Variants in ADAMTS3 observed in about 807,000 individuals in gnomAD.
ADAMTS3 encodes the protein A disintegrin and metalloproteinase with thrombospondin motifs 3.
Under a neutral mutation model 129.0 loss-of-function variants are expected in ADAMTS3, and 73 were observed. The ratio of observed to expected loss-of-function variants is 0.57; its 90% confidence interval spans 0.47 to 0.69. The LOEUF is 0.69. Among genes scored for constraint, ADAMTS3 ranks in the 30% least tolerant of loss-of-function variants. The pLI is 0.00. For missense variants in ADAMTS3, 1,457 were observed against 1,514.5 expected (o/e 0.96, Z 0.63); for synonymous variants, 477 against 510.8 (o/e 0.93, Z 0.89).
chr4:72,320,938 C>A, intron 6 of ADAMTS3, 68 bp from the exon 7 acceptor site: 1 of 1,490,328 alleles, frequency 6.7e-7, no homozygotes, highest in South Asian at 1.3e-5. Flanking sequence ...ATAATTTCCT[C>A]TGAAGCTGAA....
intron 21 of ADAMTS3, among the ~76,000 whole-genome samples, chr4:72,286,810 C>G (rs2109766030): frequency 6.6e-6 from 1 of 151,862 alleles, no homozygotes. Context: ...GTGCAACAAA[C>G]AGATGGGGGT....
intron 3 of ADAMTS3, among the ~76,000 whole-genome samples, chr4:72,464,537 T>C (rs1025112187): frequency 4.6e-5 from 7 of 152,130 alleles, no homozygotes; most frequent in East Asian, 3.9e-4. Flanking sequence ...TTTAACTAAA[T>C]TTAAAAGAAA....
chr4:72,534,515 T>C (rs1721138699), intron 3 of ADAMTS3, among the ~76,000 whole-genome samples: 1 of 152,174 alleles, frequency 6.6e-6, no homozygotes, highest in South Asian at 2.1e-4. Flanking sequence ...ATAAGTTGTT[T>C]TATTGGAAAA....
chr4:72,287,944 C>A (rs1040134406), intron 21 of ADAMTS3, among the ~76,000 whole-genome samples: 1 of 152,228 alleles, frequency 6.6e-6, no homozygotes, highest in African/African-American at 2.4e-5. Flanking sequence ...CAGCTCACTG[C>A]AACCTCTGTC....
intron 3 of ADAMTS3, among the ~76,000 whole-genome samples, chr4:72,448,760 T>C (rs1004026038): frequency 6.6e-6 from 1 of 151,692 alleles, no homozygotes; most frequent in Non-Finnish European, 1.5e-5. Flanking sequence ...AATCCAAAAG[T>C]AAGCCTCCTC....
intron 3 of ADAMTS3, among the ~76,000 whole-genome samples, chr4:72,426,425 T>C (rs986913529): frequency 6.6e-6 from 1 of 152,146 alleles, no homozygotes; most frequent in East Asian, 1.9e-4. Context: ...CATTTGATTC[T>C]ATGTTGCTGT....
intron 3 of ADAMTS3, among the ~76,000 whole-genome samples, chr4:72,529,958 A>T (rs1207750614): frequency 1.3e-4 from 1 of 7,408 alleles, no homozygotes; most frequent in Non-Finnish European, 3.7e-4. Flanking sequence ...ATAATATATA[A>T]TATATTATAT....
In ADAMTS3 at chr4:72,335,811, G is replaced by C. The variant is rs187070646; in HGVS notation, c.861+3683C>G. Among the ~76,000 whole-genome samples the C allele has an allele frequency of 3.7e-3, 568 of 151,978 alleles. 2 individuals carry two copies. Among genetic ancestry groups the C allele is most frequent in the Non-Finnish European group, 6.1e-3 (416 of 67,958 alleles). ...CTGCTCCCATTATATCATTGCATTT[G>C]GCATCTATTTCCTCTTGTTTTGAGT... On this transcript the variant is annotated intron_variant, in intron 5 of 21. Coordinates refer to ENST00000286657, the MANE Select transcript of ADAMTS3 (RefSeq NM_014243.3).
chr4:72,440,846 C>CT (rs1718095275), intron 3 of ADAMTS3, among the ~76,000 whole-genome samples: 1 of 151,680 alleles, frequency 6.6e-6, no homozygotes, highest in South Asian at 2.1e-4. Context: ...TGGATTTTCA[C>CT]TTTTTTTATT....
At chr4:72,515,221 A>G (rs1410235693) in intron 3 of ADAMTS3, among the ~76,000 whole-genome samples, 6 of 151,970 alleles carry the variant, frequency 3.9e-5, no homozygotes, top group Admixed American at 3.3e-4. Flanking sequence ...ACATTTTCTT[A>G]ATCCACTCTA....
Position 72,313,807 on chromosome 4 carries a change from G to A in ADAMTS3, c.1615C>T (p.His539Tyr), listed in dbSNP as rs923491206. Reference protein sequence around the residue: ...CAAGKWCYKGHCMWKNANQQK... With the variant: ...CAAGKWCYKGYCMWKNANQQK... The stretch of plus-strand genomic sequence containing the variant: ...TGATTAGCATTCTTCCACATGCAAT[G>A]ACCCTTATAGCACCACTTAGAAAAA... The change falls in exon 12 of 22, where the codon CAT becomes TAT. Residue 539 changes from histidine (H) to tyrosine (Y), a missense_variant. By Grantham distance (83) the His-to-Tyr change is moderately conservative. Coordinates refer to ENST00000286657, the MANE Select transcript of ADAMTS3 (RefSeq NM_014243.3). 4 of 1,613,640 alleles carry A rather than the reference G, an allele frequency of 2.5e-6. No homozygotes were observed. Among genetic ancestry groups the A allele is most frequent in the Non-Finnish European group, 3.4e-6 (4 of 1,179,756 alleles).
intron 4 of ADAMTS3, among the ~76,000 whole-genome samples, chr4:72,401,023 C>T (rs1297402401): frequency 6.6e-6 from 1 of 150,524 alleles, no homozygotes; most frequent in Non-Finnish European, 1.5e-5. Flanking sequence ...GGCCATTAGT[C>T]GTATGCAACT....
At chr4:72,321,395 C>A (rs1042549294) in intron 6 of ADAMTS3, among the ~76,000 whole-genome samples, 3 of 151,610 alleles carry the variant, frequency 2.0e-5, no homozygotes, top group Non-Finnish European at 2.9e-5. Context: ...GTTGGCCAGG[C>A]TGGTCACAAA....
intron 2 of ADAMTS3, among the ~76,000 whole-genome samples, chr4:72,553,795 G>T (rs966925381): frequency 6.6e-6 from 1 of 152,174 alleles, no homozygotes; most frequent in Non-Finnish European, 1.5e-5. Context: ...GGCCTGACAG[G>T]CACAGGGTGG....
At chr4:72,287,544 A>C (rs147131951) in intron 21 of ADAMTS3, among the ~76,000 whole-genome samples, 1,524 of 151,604 alleles carry the variant, frequency 0.01, 34 homozygotes, top group African/African-American at 0.035. Flanking sequence ...GAGGAGAGAG[A>C]AGATGAGAGG....
At chr4:72,547,972 A>G (rs788910) in intron 3 of ADAMTS3, among the ~76,000 whole-genome samples, 100,708 of 152,052 alleles carry the variant, frequency 0.66, 34,139 homozygotes, top group African/African-American at 0.82. Flanking sequence ...TGCATCTTGC[A>G]TTCATAAAGT....
intron 4 of ADAMTS3, among the ~76,000 whole-genome samples, chr4:72,361,408 T>C (rs1210550766): frequency 6.6e-6 from 1 of 152,144 alleles, no homozygotes; most frequent in Non-Finnish European, 1.5e-5. Context: ...TATTGACAGA[T>C]TGTTATAATG....
At chr4:72,375,958 G>T (rs2109872771) in intron 4 of ADAMTS3, among the ~76,000 whole-genome samples, 2 of 152,250 alleles carry the variant, frequency 1.3e-5, no homozygotes, top group Middle Eastern at 6.8e-3. Context: ...GAAGTTGCAA[G>T]GTGAGATAAC....
chr4:72,499,442 T>C (rs1370980261), intron 3 of ADAMTS3, among the ~76,000 whole-genome samples: 1 of 152,108 alleles, frequency 6.6e-6, no homozygotes, highest in Non-Finnish European at 1.5e-5. Context: ...CAAGTCAATA[T>C]AAATTCCACT....
Sources: allele counts gnomAD v4.1 joint callset (sites outside exome capture counted in the v4.1 genomes callset), GRCh38; gene constraint gnomAD v4.1.1; transcripts MANE v1.5; gene names NCBI Gene and HGNC (gene_info 2026-07-23, HGNC 2026-07-21).